The following MBD5 variants were observed in gnomAD, a reference collection of about 807,000 sequenced individuals.
MBD5 encodes methyl-CpG binding domain protein 5.
In MBD5, 13 loss-of-function variants were observed where a neutral mutation model predicts 117.3. The observed-to-expected ratio is 0.11, with a 90% CI of 0.07 to 0.18. The LOEUF (loss-of-function observed/expected upper bound fraction) is 0.18. Among genes scored for constraint, MBD5 ranks in the 10% least tolerant of loss-of-function variants. MBD5 has a pLI of 1.00. For missense variants in MBD5, 1,879 were observed against 2,093.8 expected (o/e 0.90, Z 2.00); for synonymous variants, 727 against 766.4 (o/e 0.95, Z 0.85).
At chr2:148,056,950 T>G (rs1453278842) in intron 1 of MBD5, among the ~76,000 whole-genome samples, 1 of 151,928 alleles carries the variant, frequency 6.6e-6, no homozygotes, top group East Asian at 1.9e-4. Flanking sequence ...CTTTAGATAA[T>G]ACATTGTATT....
intron 4 of MBD5, among the ~76,000 whole-genome samples, chr2:148,362,077 G>C (rs993985484): frequency 2.3e-4 from 35 of 152,324 alleles, no homozygotes; most frequent in South Asian, 1.0e-3. Context: ...GGCAAACACC[G>C]AGCTAGCTGC....
intron 8 of MBD5, among the ~76,000 whole-genome samples, chr2:148,480,007 T>G (rs1007290809): frequency 6.6e-6 from 1 of 152,048 alleles, no homozygotes; most frequent in Non-Finnish European, 1.5e-5. Flanking sequence ...GTTTCTTTCT[T>G]TACCTAAACT....
chr2:148,197,820 T>TG (rs1448979547), intron 2 of MBD5, among the ~76,000 whole-genome samples: 30 of 148,168 alleles, frequency 2.0e-4, no homozygotes, highest in African/African-American at 6.9e-4. Flanking sequence ...TTTTTTTTGT[T>TG]TTTTTTTTTT....
chr2:148,260,317 C>T (rs1210025872), intron 3 of MBD5, among the ~76,000 whole-genome samples: 1 of 152,182 alleles, frequency 6.6e-6, no homozygotes, highest in African/African-American at 2.4e-5. Context: ...AAGCCACTTA[C>T]TTTGTTAGCC....
At chr2:148,304,052 A>G (rs756512702) in intron 3 of MBD5, among the ~76,000 whole-genome samples, 4 of 152,210 alleles carry the variant, frequency 2.6e-5, no homozygotes, top group Non-Finnish European at 5.9e-5. Context: ...GGACTCAGAG[A>G]TTTTCCACAG....
At chr2:148,145,348 G>T (rs13401666) in intron 1 of MBD5, among the ~76,000 whole-genome samples, 1,899 of 152,266 alleles carry the variant, frequency 0.012, 42 homozygotes, top group African/African-American at 0.043. Context: ...GAGATTTTGG[G>T]CTGAGACGAT....
At chr2:148,260,668 G>C (rs1700710373) in intron 3 of MBD5, 1 of 212,484 alleles carries the variant, frequency 4.7e-6, no homozygotes, top group Non-Finnish European at 1.0e-5. Context: ...ATATGAGATG[G>C]GCACCACCAA....
At chr2:148,495,999 C>T (rs1246927865) in intron 11 of MBD5, among the ~76,000 whole-genome samples, 1 of 152,186 alleles carries the variant, frequency 6.6e-6, no homozygotes, top group East Asian at 1.9e-4. Flanking sequence ...GATGTTCAGA[C>T]ATTTTACTTT....
chr2:148,163,482 C>T (rs1335183078), intron 1 of MBD5, among the ~76,000 whole-genome samples: 1 of 151,928 alleles, frequency 6.6e-6, no homozygotes, highest in Non-Finnish European at 1.5e-5. Context: ...AGTTCAATGG[C>T]GTGATCTTGG....
intron 4 of MBD5, among the ~76,000 whole-genome samples, chr2:148,373,941 A>C (rs541544058): frequency 6.6e-6 from 1 of 152,258 alleles, no homozygotes; most frequent in African/African-American, 2.4e-5. Context: ...AAAAAATCCA[A>C]AATGCCCCAA....
chr2:148,307,763 G>T (rs1388167023), intron 3 of MBD5, among the ~76,000 whole-genome samples: 1 of 152,038 alleles, frequency 6.6e-6, no homozygotes, highest in Non-Finnish European at 1.5e-5. Context: ...TCTACATTAG[G>T]TATTTCTCCT....
chr2:148,114,362 C>T (rs538205369), intron 1 of MBD5, among the ~76,000 whole-genome samples: 12 of 151,978 alleles, frequency 7.9e-5, no homozygotes, highest in African/African-American at 2.4e-4. Context: ...CTCCGCTTCT[C>T]GGGAGGCTGA....
intron 1 of MBD5, among the ~76,000 whole-genome samples, chr2:148,033,716 A>G (rs1288689969): frequency 6.6e-6 from 1 of 152,220 alleles, no homozygotes; most frequent in Non-Finnish European, 1.5e-5. Flanking sequence ...ACAGTTGATG[A>G]ATTCTGCCAA....
chr2:148,335,603 A>C (rs1702766148), intron 3 of MBD5, among the ~76,000 whole-genome samples: 1 of 151,916 alleles, frequency 6.6e-6, no homozygotes, highest in African/African-American at 2.4e-5. Context: ...ACCTGTGGTC[A>C]TGGCTACTCA....
intron 4 of MBD5, among the ~76,000 whole-genome samples, chr2:148,418,103 G>C (rs995799681): frequency 2.6e-5 from 4 of 152,020 alleles, no homozygotes; most frequent in Non-Finnish European, 5.9e-5. Flanking sequence ...GCCTCCCAAA[G>C]TGCTGGGATT....
At chr2:148,505,944 A>G (rs1682017689) in intron 12 of MBD5, among the ~76,000 whole-genome samples, 1 of 152,186 alleles carries the variant, frequency 6.6e-6, no homozygotes, top group Admixed American at 6.5e-5. Context: ...CTATTTTAGG[A>G]TTGTTATAAC....
At position 148,485,722 on chromosome 2, in the gene MBD5, TTA is replaced by T. The variant is rs1228030065; in HGVS notation, c.3545-18_3545-17del. On this transcript the variant is annotated intron_variant, in intron 9 of 13. Coordinates refer to ENST00000642680, the MANE Select transcript of MBD5 (RefSeq NM_001378120.1). ...CCGAAGAATCACATTTATTTATATT[TTA>T]TGTTTTTCAAACTGTAGGTGATATG... 2 of 1,551,660 alleles carry T rather than the reference TTA, an allele frequency of 1.3e-6. No individual in the cohort carries two copies. Among genetic ancestry groups the T allele is most frequent in the African/African-American group, 2.7e-5 (2 of 73,218 alleles).
At chr2:148,073,450 CTCTT>C (rs1695414229) in intron 1 of MBD5, among the ~76,000 whole-genome samples, 1 of 152,130 alleles carries the variant, frequency 6.6e-6, no homozygotes, top group Non-Finnish European at 1.5e-5. Context: ...GATTTTATCA[CTCTT>C]CCTTCCTTGC....
chr2:148,230,982 T>C (rs1699968600), intron 2 of MBD5, among the ~76,000 whole-genome samples: 1 of 152,142 alleles, frequency 6.6e-6, no homozygotes, highest in Non-Finnish European at 1.5e-5. Context: ...GGGTCTTTTT[T>C]GGAGCCACCA....
Sources: allele counts gnomAD v4.1 joint callset (sites outside exome capture counted in the v4.1 genomes callset), GRCh38; gene constraint gnomAD v4.1.1; transcripts MANE v1.5; gene names NCBI Gene and HGNC (gene_info 2026-07-23, HGNC 2026-07-21).